The following ATG7 variants were observed in gnomAD, a reference collection of about 807,000 sequenced individuals.
The protein encoded by ATG7 is ubiquitin-like modifier-activating enzyme ATG7.
In ATG7, 70 loss-of-function variants were observed where a neutral mutation model predicts 82.4. The observed-to-expected ratio is 0.85, with a 90% CI of 0.70 to 1.04. The LOEUF (loss-of-function observed/expected upper bound fraction) is 1.04, where lower values mean the gene tolerates loss of function less well. ATG7 is among the 50% of genes least tolerant of loss of function. The probability of loss-of-function intolerance (pLI) is 0.00; values close to 1 mark genes in which losing one functional copy is unlikely to be tolerated. For synonymous variants in ATG7, 287 were observed against 313.0 expected (o/e 0.92, Z 0.88); for missense variants, 792 against 864.3 (o/e 0.92, Z 1.05).
intron 20 of ATG7, chr3:11,446,428 G>GA (rs1047435097): frequency 7.6e-5 from 29 of 381,616 alleles, no homozygotes; most frequent in African/African-American, 6.1e-4. Flanking sequence ...TTATATAAAG[G>GA]AGGAGACTCC....
At chr3:11,465,583 AAGTT>A (rs1438697598) in intron 20 of ATG7, among the ~76,000 whole-genome samples, 2 of 151,894 alleles carry the variant, frequency 1.3e-5, no homozygotes, top group African/African-American at 4.8e-5. Context: ...TGTCTACAAA[AAGTT>A]AGTAAAAAAT....
intron 20 of ATG7, among the ~76,000 whole-genome samples, chr3:11,464,477 CG>C (rs1252146441): frequency 2.0e-5 from 3 of 152,196 alleles, no homozygotes; most frequent in Non-Finnish European, 4.4e-5. Context: ...CGGTAAAGTA[CG>C]GGGGGAGGCT....
chr3:11,272,462 G>T (rs1417286517), intron 1 of ATG7, 32 bp downstream of exon 1: 2 of 152,624 alleles, frequency 1.3e-5, no homozygotes, highest in Non-Finnish European at 2.9e-5. Flanking sequence ...AGGGTGTAGT[G>T]GGGTCTTGCT....
chr3:11,450,006 T>A (rs1477986683), intron 20 of ATG7, among the ~76,000 whole-genome samples: 1 of 151,824 alleles, frequency 6.6e-6, no homozygotes, highest in African/African-American at 2.4e-5. Context: ...GTGGGAGGAG[T>A]CCTGGGGGAG....
At chr3:11,472,557 T>C (rs1249926642) in intron 20 of ATG7, among the ~76,000 whole-genome samples, 4 of 152,164 alleles carry the variant, frequency 2.6e-5, no homozygotes, top group Non-Finnish European at 5.9e-5. Flanking sequence ...GGTGAAAAAT[T>C]AGAAAACCGG....
In ATG7 at chr3:11,301,198, GTGTT is replaced by G. The variant is rs1187713898; in HGVS notation, c.215+1787_215+1790del. 3.3e-5 allele frequency among the ~76,000 whole-genome samples: 5 copies of G among 152,138 alleles called. No homozygotes were observed. In the East Asian group the frequency reaches 9.6e-4, roughly 29 times the overall value. ...CACAGAGGTCAATGCGAGGGCCACT[GTGTT>G]TGTTGATTAAGTCATTGTGGTCCTT... On this transcript the variant is annotated intron_variant, in intron 5 of 20. Transcript: ENST00000693202.
At chr3:11,573,235 A>G in the ATG7 span, among the ~76,000 whole-genome samples, 82 of 119,216 alleles carry the variant, frequency 6.9e-4, no homozygotes, top group African/African-American at 3.3e-3. Context: ...AGACAGAAAG[A>G]AAAGAAATAG....
chr3:11,373,317 T>C (rs1481338428), intron 18 of ATG7, among the ~76,000 whole-genome samples: 1 of 152,228 alleles, frequency 6.6e-6, no homozygotes, highest in African/African-American at 2.4e-5. Context: ...GGTGGTACTA[T>C]TTTTAGAAAA....
intron 19 of ATG7, among the ~76,000 whole-genome samples, chr3:11,401,610 C>G (rs4684071): frequency 0.87 from 132,718 of 152,224 alleles, 58,220 homozygotes; most frequent in East Asian, 1. Flanking sequence ...GTATGCATAG[C>G]ATGTATCATG....
At chr3:11,453,228 G>A (rs1559656005) in intron 20 of ATG7, among the ~76,000 whole-genome samples, 4 of 152,232 alleles carry the variant, frequency 2.6e-5, no homozygotes, top group African/African-American at 7.2e-5. Context: ...TTGCCATGTG[G>A]TCTGAGCACT....
chr3:11,525,117 A>G (rs1015896044), intron 20 of ATG7, among the ~76,000 whole-genome samples: 1 of 151,552 alleles, frequency 6.6e-6, no homozygotes, highest in East Asian at 1.9e-4. Flanking sequence ...GCCCACTGCA[A>G]CCTCCACCTT....
rs1553633235 is a variant in ATG7, at chr3:11,372,851, C to CGCGCGTGT, written c.1876-7120_1876-7119insCGCGTGTG. The stretch of plus-strand genomic sequence containing the variant: ...GCGTGTGTGTGCGTGCGTGCGTGTG[C>CGCGCGTGT]GTGTGTGTGTGTGAAATCGGCCATG... On this transcript the variant is annotated intron_variant, in intron 18 of 20. Transcript: ENST00000693202. Among the ~76,000 whole-genome samples the CGCGCGTGT allele has an allele frequency of 1.1e-4, 9 of 83,348 alleles. No individual in the cohort carries two copies. The East Asian group carries it at 2.4e-3, about 22-fold the overall frequency. The allele number at this position is 83,348 out of a possible 152,430, so 54.7% of individuals were successfully genotyped here.
chr3:11,491,726 C>G (rs900923321), intron 20 of ATG7, among the ~76,000 whole-genome samples: 14 of 152,152 alleles, frequency 9.2e-5, no homozygotes, highest in African/African-American at 3.4e-4. Context: ...TTGGAGTTTG[C>G]TAGAGGTCCA....
intron 10 of ATG7, among the ~76,000 whole-genome samples, chr3:11,331,737 C>G (rs1169941941): frequency 6.6e-6 from 1 of 152,144 alleles, no homozygotes; most frequent in African/African-American, 2.4e-5. Flanking sequence ...GGGTTTCTTT[C>G]AGATAGGATT....
intron 8 of ATG7, among the ~76,000 whole-genome samples, chr3:11,314,843 G>GT (rs1949169826): frequency 6.6e-6 from 1 of 152,150 alleles, no homozygotes; most frequent in Non-Finnish European, 1.5e-5. Flanking sequence ...GGAGGCTGAG[G>GT]TAGGAGGATT....
chr3:11,490,424 C>A (rs931234708), intron 20 of ATG7, among the ~76,000 whole-genome samples: 2 of 152,116 alleles, frequency 1.3e-5, no homozygotes, highest in African/African-American at 4.8e-5. Flanking sequence ...ACTCTTTATC[C>A]AGTTTGCCAG....
At chr3:11,565,116 T>C in the ATG7 span, 34 of 1,197,104 alleles carry the variant, frequency 2.8e-5, no homozygotes, top group African/African-American at 4.2e-4. The surrounding 1 kb of genome is among the most constrained non-coding windows in gnomAD (Gnocchi z 4.1). Flanking sequence ...TTTAATTTTT[T>C]ACCCTGAAGC....
chr3:11,274,820 T>C (rs1941352082), intron 1 of ATG7, among the ~76,000 whole-genome samples: 1 of 151,762 alleles, frequency 6.6e-6, no homozygotes, highest in Non-Finnish European at 1.5e-5. Flanking sequence ...TGATAAATAC[T>C]CAATAAACAG....
At chr3:11,418,285 T>TA (rs1454754585) in intron 19 of ATG7, among the ~76,000 whole-genome samples, 4 of 147,508 alleles carry the variant, frequency 2.7e-5, no homozygotes, top group Admixed American at 1.4e-4. Flanking sequence ...TTTTTTTTTT[T>TA]ATATTTTGTA....
Sources: gnomAD v4.1 joint callset for allele counts (sites outside exome capture counted in the v4.1 genomes callset) on GRCh38, gnomAD v4.1.1 for gene constraint, Gnocchi (gnomAD v3.1) non-coding constraint, MANE v1.5 for transcripts, NCBI Gene and HGNC (gene_info 2026-07-23, HGNC 2026-07-21) for gene names.